Variants in ERC2 observed in about 807,000 individuals in gnomAD.
The protein encoded by ERC2 is ERC protein 2.
Under a neutral mutation model 114.8 loss-of-function variants are expected in ERC2, and 42 were observed. The observed-to-expected ratio is 0.37, with a 90% CI of 0.29 to 0.47. The LOEUF (loss-of-function observed/expected upper bound fraction) is 0.47, where lower values mean the gene tolerates loss of function less well. Ranked by LOEUF, ERC2 falls within the 20% of genes least tolerant of loss-of-function variation. The pLI is 0.99. For synonymous variants in ERC2, 454 were observed against 425.5 expected (o/e 1.07, Z -0.82); for missense variants, 939 against 1,150.7 (o/e 0.82, Z 2.66).
chr3:56,051,651 C>T (rs1269726442), intron 7 of ERC2, among the ~76,000 whole-genome samples: 1 of 152,040 alleles, frequency 6.6e-6, no homozygotes, highest in African/African-American at 2.4e-5. Context: ...TGGGCAGCTA[C>T]CCCATCTCTA....
At chr3:56,453,968 G>T (rs762926180) in intron 1 of ERC2, among the ~76,000 whole-genome samples, 2 of 152,094 alleles carry the variant, frequency 1.3e-5, no homozygotes, top group Non-Finnish European at 2.9e-5. Flanking sequence ...AGCTGTAACT[G>T]ACCCAAGCAT....
At chr3:56,325,374 A>C (rs1018684348) in intron 2 of ERC2, among the ~76,000 whole-genome samples, 1 of 152,096 alleles carries the variant, frequency 6.6e-6, no homozygotes, top group African/African-American at 2.4e-5. Flanking sequence ...TGAACCCAGG[A>C]GGCAGAGCTT....
At chr3:55,545,331 C>T (rs1026925508) in intron 17 of ERC2, among the ~76,000 whole-genome samples, 11 of 152,292 alleles carry the variant, frequency 7.2e-5, no homozygotes, top group African/African-American at 2.6e-4. Flanking sequence ...TACATGACTC[C>T]ACTGGGGAGG....
At chr3:56,279,500 G>A (rs1172314714) in intron 3 of ERC2, among the ~76,000 whole-genome samples, 1 of 152,182 alleles carries the variant, frequency 6.6e-6, no homozygotes, top group African/African-American at 2.4e-5. Flanking sequence ...CCCCAGCAGT[G>A]GGGGAGTCAC....
At chr3:55,828,171 T>C (rs1351319342) in intron 14 of ERC2, among the ~76,000 whole-genome samples, 1 of 152,244 alleles carries the variant, frequency 6.6e-6, no homozygotes, top group East Asian at 1.9e-4. Context: ...TTTAACTCTT[T>C]AGGCCCTGAG....
At position 55,947,311 on chromosome 3, in the gene ERC2, A is replaced by T. The variant is rs114430777; in HGVS notation, c.2403+3114T>A. On this transcript the variant is annotated intron_variant, in intron 13 of 17. Transcript: ENST00000288221. ...CCACCTACAGCTGAAATTTTTCATT[A>T]TGCATATGCTATTTTTCTTATAATA... is the stretch of plus-strand genomic sequence containing the variant. Among the ~76,000 whole-genome samples, 539 of 152,222 alleles carry T rather than the reference A, an allele frequency of 3.5e-3. 3 individuals are homozygous for T. Among genetic ancestry groups the T allele is most frequent in the African/African-American group, 0.012 (514 of 41,532 alleles).
At chr3:55,610,000 A>G (rs1224139126) in intron 17 of ERC2, among the ~76,000 whole-genome samples, 1 of 147,100 alleles carries the variant, frequency 6.8e-6, no homozygotes, top group Admixed American at 7.0e-5. Flanking sequence ...ACGCATCAAA[A>G]TGGGGCATTT....
chr3:55,805,202 C>A (rs1204745381), intron 14 of ERC2, among the ~76,000 whole-genome samples: 2 of 151,758 alleles, frequency 1.3e-5, no homozygotes, highest in East Asian at 3.9e-4. Context: ...TTTTTAATTC[C>A]TTCTGTTTAA....
chr3:56,113,079 TGGGGTGTTAATA>T (rs2079046192), intron 6 of ERC2, among the ~76,000 whole-genome samples: 1 of 152,162 alleles, frequency 6.6e-6, no homozygotes, highest in African/African-American at 2.4e-5. Context: ...ATCTAATAGG[TGGGGTGTTAATA>T]TCCATTCTGA....
At position 56,032,920 on chromosome 3, in the gene ERC2, A is replaced by AG. The variant is rs1253894446; in HGVS notation, c.1642-13890_1642-13889insC. 1.2e-3 allele frequency among the ~76,000 whole-genome samples: 105 copies of AG among 87,056 alleles called. 1 individual carries two copies. Among genetic ancestry groups the AG allele is most frequent in the Non-Finnish European group, 1.8e-3 (72 of 39,564 alleles). 57.1% of individuals were successfully genotyped at this position (87,056 alleles called of 152,430 possible). On this transcript the variant is annotated intron_variant, in intron 7 of 17. Transcript: ENST00000288221. ...GAGAGACAGAAAGAAAGAAAGAAAG[A>AG]AAGAAAGAAAGAAAGAAAGAAAGAA...
At chr3:56,300,754 C>T (rs1396925633) in intron 2 of ERC2, among the ~76,000 whole-genome samples, 2 of 152,206 alleles carry the variant, frequency 1.3e-5, no homozygotes, top group East Asian at 3.9e-4. Flanking sequence ...TGCTCCCAGT[C>T]ACCCACCTAC....
chr3:55,577,840 T>G (rs540502236), intron 17 of ERC2, among the ~76,000 whole-genome samples: 2 of 151,472 alleles, frequency 1.3e-5, no homozygotes, highest in South Asian at 4.2e-4. Context: ...TCCACTGGAG[T>G]GAAAGGAAAT....
At chr3:56,264,463 G>A (rs1418760840) in intron 3 of ERC2, among the ~76,000 whole-genome samples, 3 of 152,052 alleles carry the variant, frequency 2.0e-5, no homozygotes, top group Admixed American at 2.0e-4. Context: ...TGGGAATGGT[G>A]GCGTGCACCT....
chr3:56,440,970 A>C (rs1342445494), intron 1 of ERC2, among the ~76,000 whole-genome samples: 1 of 152,186 alleles, frequency 6.6e-6, no homozygotes, highest in Non-Finnish European at 1.5e-5. Context: ...TTCCATCAAG[A>C]AATTGATTCT....
intron 17 of ERC2, among the ~76,000 whole-genome samples, chr3:55,555,325 C>G (rs551567213): frequency 6.6e-6 from 1 of 152,270 alleles, no homozygotes; most frequent in East Asian, 1.9e-4. Flanking sequence ...CCAGCTTGAG[C>G]ACATCTGAGC....
At chr3:55,554,289 T>C (rs2107442985) in intron 17 of ERC2, among the ~76,000 whole-genome samples, 1 of 152,314 alleles carries the variant, frequency 6.6e-6, no homozygotes, top group African/African-American at 2.4e-5. Context: ...ATAAACTTCT[T>C]TGTTTATGAA....
At chr3:56,002,869 G>A (rs2072181377) in intron 10 of ERC2, among the ~76,000 whole-genome samples, 1 of 152,272 alleles carries the variant, frequency 6.6e-6, no homozygotes, top group Non-Finnish European at 1.5e-5. Context: ...CTGAGGTTAA[G>A]AAGGAGGTAA....
intron 3 of ERC2, among the ~76,000 whole-genome samples, chr3:56,268,568 G>A (rs941415803): frequency 6.6e-6 from 1 of 152,146 alleles, no homozygotes; most frequent in East Asian, 1.9e-4. Context: ...GAAATTCTCA[G>A]TATTCCAGAA....
intron 15 of ERC2, among the ~76,000 whole-genome samples, chr3:55,722,510 C>T (rs1334149540): frequency 6.6e-6 from 1 of 152,212 alleles, no homozygotes; most frequent in African/African-American, 2.4e-5. Context: ...CATAGAGCAT[C>T]ATCTTTGGTT....
Sources: allele counts gnomAD v4.1 joint callset (sites outside exome capture counted in the v4.1 genomes callset), GRCh38; gene constraint gnomAD v4.1.1; transcripts MANE v1.5; gene names NCBI Gene and HGNC (gene_info 2026-07-23, HGNC 2026-07-21).